The following CD163L1 variants were observed in gnomAD, a reference collection of about 807,000 sequenced individuals.
The protein encoded by CD163L1 is scavenger receptor cysteine-rich type 1 protein M160.
In CD163L1, 124 loss-of-function variants were observed where a neutral mutation model predicts 165.4. That is an observed-to-expected ratio of 0.75 (90% CI 0.65 to 0.87). The LOEUF (loss-of-function observed/expected upper bound fraction) is 0.87. Among genes scored for constraint, CD163L1 ranks in the 40% least tolerant of loss-of-function variants. The pLI is 0.00. For synonymous variants in CD163L1, 585 were observed against 662.2 expected, an observed-to-expected ratio of 0.88 and a Z score of 1.79; for missense variants, 1,525 against 1,799.9, an observed-to-expected ratio of 0.85 and a Z score of 2.76.
At chr12:7,407,581 T>C (rs1484275005) in intron 4 of CD163L1, among the ~76,000 whole-genome samples, 1 of 151,140 alleles carries the variant, frequency 6.6e-6, no homozygotes, top group Non-Finnish European at 1.5e-5. Context: ...TCATATGTAG[T>C]GGTCAATTTT....
At chr12:7,352,749 A>T (rs1946716044), downstream of CD163L1, among the ~76,000 whole-genome samples, 2 of 152,164 alleles carry the variant, frequency 1.3e-5, no homozygotes, top group African/African-American at 4.8e-5. Context: ...GCTGCATAGT[A>T]TGGAGGACTT....
Position 7,373,510 on chromosome 12 carries a change from C to T in CD163L1, c.3540G>A (p.Val1180=), listed in dbSNP as rs199578853. ...RNITTAIAGI[V]CRQLGCGENG... ...TCTCCCCACAGCCCAGCTGCCTGCA[C>T]ACAATGCCTGCTATGGCTGTGGTGA... Residue 1180 remains valine (V), a synonymous_variant, in exon 14 of 20, where the codon GTG becomes GTA. Coordinates refer to ENST00000313599, the MANE Select transcript of CD163L1 (RefSeq NM_174941.6). 10 of 1,614,092 alleles carry T rather than the reference C, an allele frequency of 6.2e-6. No homozygotes were observed. The highest frequency in any genetic ancestry group is 5.0e-5 in the Admixed American group (3 of 60,010).
rs201939692 is a variant in CD163L1 at position 7,421,482 on chromosome 12, TAC to T, written c.766+10932_766+10933del. 4.0e-3 allele frequency among the ~76,000 whole-genome samples: 417 copies of T among 103,304 alleles called. 55 individuals are homozygous for T. The highest frequency in any genetic ancestry group is 0.019 in the Middle Eastern group (3 of 158). The allele number at this position is 103,304 out of a possible 152,430, so 67.8% of individuals were successfully genotyped here. On this transcript the variant is annotated intron_variant, in intron 4 of 19. Transcript: ENST00000313599. ...ATATATACATATATATACATATATG[TAC>T]ATATATACATATATGTACATATACA...
At chr12:7,421,097 G>GTA (rs1423359223) in intron 4 of CD163L1, among the ~76,000 whole-genome samples, 3 of 103,008 alleles carry the variant, frequency 2.9e-5, no homozygotes, top group Non-Finnish European at 5.2e-5. Flanking sequence ...GTATATATAT[G>GTA]TATATATACA....
chr12:7,345,765 A>C (rs1025962824), downstream of CD163L1, among the ~76,000 whole-genome samples: 7 of 152,194 alleles, frequency 4.6e-5, no homozygotes, highest in African/African-American at 1.4e-4. Flanking sequence ...AGTTTTGCAG[A>C]CTGTACAGGC....
rs1440130889 is a variant in CD163L1 at position 7,347,973 on chromosome 12, A to G, written c.*25-826T>C. ...ACAAACCCACATTTTTCTTCTTTAAATATTTACTACTTTGCATCATTAAAT... is the reference window on the plus strand; with the variant it reads ...ACAAACCCACATTTTTCTTCTTTAAGTATTTACTACTTTGCATCATTAAAT... On this transcript the variant is annotated intron_variant, in intron 4 of 4. Transcript: ENST00000539726. The surrounding 1 kb of genome is among the most constrained non-coding windows in gnomAD (Gnocchi z 4.2). 6.6e-6 allele frequency among the ~76,000 whole-genome samples: 1 copy of G among 152,214 alleles called. No individual in the cohort carries two copies. Among genetic ancestry groups the G allele is most frequent in the Admixed American group, 6.5e-5 (1 of 15,286 alleles).
At chr12:7,416,177 G>C (rs745352804) in intron 4 of CD163L1, among the ~76,000 whole-genome samples, 2 of 152,258 alleles carry the variant, frequency 1.3e-5, no homozygotes, top group African/African-American at 4.8e-5. Flanking sequence ...GACGACCAGT[G>C]ATGATGAGCT....
Position 7,433,561 on chromosome 12 carries a change from G to A in CD163L1, c.258C>T (p.Cys86=). 1 of 1,614,114 alleles carries A rather than the reference G, an allele frequency of 6.2e-7. No homozygotes were observed. Among genetic ancestry groups the A allele is most frequent in the African/African-American group, 1.3e-5 (1 of 75,016 alleles). ...GWNTTASTVV[C]KQLGCPFSFA... ...AAGAAAATGGACATCCAAGCTGTTT[G>A]CACACGACAGTTGAGGCAGTAGTGT... The change falls in exon 3 of 20, where the codon TGC becomes TGT. Residue 86 remains cysteine, a synonymous_variant. Transcript: ENST00000313599.
At position 7,375,797 on chromosome 12, in the gene CD163L1, C is replaced by G; in HGVS notation, c.2589G>C (p.Gln863His). Residue 863 changes from glutamine (Q) to histidine (H), a missense_variant, in exon 10 of 20, where the codon CAG becomes CAC. Gln to His is a conservative substitution (Grantham distance 24, BLOSUM62 0). Transcript: ENST00000313599. ...CAAGGTGAGTTTCACTCCCTTCACA[C>G]TGGAACTTTTCGGCCCAAGTTAGAC... ...GNGLTWAEKF[Q>H]CEGSETHLAL... The G allele has an allele frequency of 6.2e-7, 1 of 1,614,252 alleles. No homozygotes were observed. The highest frequency in any genetic ancestry group is 8.5e-7 in the Non-Finnish European group (1 of 1,180,046).
intron 4 of CD163L1, among the ~76,000 whole-genome samples, chr12:7,421,197 A>G (rs1948372336): frequency 7.5e-6 from 1 of 133,050 alleles, no homozygotes; most frequent in African/African-American, 2.9e-5. Context: ...GTATATATGT[A>G]TATATATGGG....
At chr12:7,389,349 T>C (rs969236519) in intron 8 of CD163L1, among the ~76,000 whole-genome samples, 2 of 152,212 alleles carry the variant, frequency 1.3e-5, no homozygotes, top group African/African-American at 4.8e-5. Context: ...ACTTCTCTGA[T>C]GATCAATGAT....
the CD163L1 span, chr12:7,324,700 T>G: frequency 7.6e-7 from 1 of 1,314,874 alleles, no homozygotes; most frequent in Middle Eastern, 1.9e-4. Context: ...CTATTAATTC[T>G]CGTTATGAAG....
At chr12:7,324,255 G>A in the CD163L1 span, 36 of 1,610,058 alleles carry the variant, frequency 2.2e-5, no homozygotes, top group African/African-American at 4.3e-4. Flanking sequence ...ATCCCCAAAT[G>A]TCATCCTTGG....
Position 7,398,489 on chromosome 12 carries a change from G to C in CD163L1, c.1504C>G (p.His502Asp), listed in dbSNP as rs759104854. The change falls in exon 7 of 20, where the codon CAT becomes GAT. Residue 502 changes from histidine (H) to aspartate (D), a missense_variant. By Grantham distance (81) the His-to-Asp change is moderately conservative (BLOSUM62 -1). Transcript: ENST00000313599. This position sits in a 1 kb window ranked among gnomAD's most constrained non-coding sequence, Gnocchi z 4.5. ...GCATTCCTTGTGCTCCATCTGTCAT[G>C]ACACACAGTCCCCCACTCTCCTTGG... ...KYQGEWGTVC[H>D]DRWSTRNAAV... 1 of 1,613,982 alleles carries C rather than the reference G, an allele frequency of 6.2e-7. No homozygotes were observed. The highest frequency in any genetic ancestry group is 1.1e-5 in the South Asian group (1 of 91,070).
chr12:7,326,123 C>G, the CD163L1 span, among the ~76,000 whole-genome samples: 2 of 152,202 alleles, frequency 1.3e-5, no homozygotes, highest in African/African-American at 2.4e-5. Context: ...TTTGAAACAG[C>G]ATTTCAAAGA....
Position 7,375,746 on chromosome 12 carries a change from C to T in CD163L1, c.2640G>A (p.Pro880=), listed in dbSNP as rs146146000. 3.8e-4 allele frequency: 613 copies of T among 1,614,216 alleles called. No homozygotes were observed. Among genetic ancestry groups the T allele is most frequent in the Non-Finnish European group, 4.4e-4 (520 of 1,180,034 alleles). Residue 880 remains proline (P), a synonymous_variant, in exon 10 of 20, where the codon CCG becomes CCA. Coordinates refer to ENST00000313599, the MANE Select transcript of CD163L1 (RefSeq NM_174941.6). ...CTCTGCTGTGGATACAAGTGTCTTC[C>T]GGATGTTGAACAATGGGGCATAATG... ...HLALCPIVQH[P]EDTCIHSREV...
At chr12:7,407,415 T>C (rs1300078933) in intron 4 of CD163L1, among the ~76,000 whole-genome samples, 1 of 151,842 alleles carries the variant, frequency 6.6e-6, no homozygotes, top group Non-Finnish European at 1.5e-5. Flanking sequence ...AATGAAAAAA[T>C]AAAACTTCTA....
Position 7,433,480 on chromosome 12 carries a change from A to G in CD163L1, c.339T>C (p.Asp113=). The G allele has an allele frequency of 6.2e-7, 1 of 1,614,178 alleles. No individual in the cohort carries two copies. Among genetic ancestry groups the G allele is most frequent in the Non-Finnish European group, 8.5e-7 (1 of 1,180,024 alleles). The change falls in exon 3 of 20, where the codon GAT becomes GAC. Residue 113 remains aspartate (D), a synonymous_variant. Transcript: ENST00000313599. ...ACTCATTTCCATAACAGGAAACATC[A>G]TCAAGCCAAATTTTTCCATGTCTAG... ...AVTRHGKIWL[D]DVSCYGNESA... is the part of the protein sequence containing the mutation.
At chr12:7,407,923 CCTT>C (rs201001218) in intron 4 of CD163L1, among the ~76,000 whole-genome samples, 1 of 151,890 alleles carries the variant, frequency 6.6e-6, no homozygotes, top group East Asian at 1.9e-4. Context: ...CCTTAGTTGG[CCTT>C]CTAATCTGCT....
Sources: allele counts gnomAD v4.1 joint callset (sites outside exome capture counted in the v4.1 genomes callset), GRCh38; gene constraint gnomAD v4.1.1; non-coding constraint Gnocchi (gnomAD v3.1); transcripts MANE v1.5; gene names NCBI Gene and HGNC (gene_info 2026-07-23, HGNC 2026-07-21).